The following PCDH15 variants were observed in gnomAD, a reference collection of about 807,000 sequenced individuals.
PCDH15 encodes protocadherin-15.
In PCDH15, 129 loss-of-function variants were observed where a neutral mutation model predicts 178.5. That is an observed-to-expected ratio of 0.72 (90% CI 0.63 to 0.84). PCDH15 has a LOEUF of 0.84. PCDH15 is among the 40% of genes least tolerant of loss of function. The probability of loss-of-function intolerance (pLI) is 0.00; values close to 1 mark genes in which losing one functional copy is unlikely to be tolerated. For missense variants in PCDH15, 2,230 were observed against 2,099.9 expected, an observed-to-expected ratio of 1.06 and a Z score of -1.21; for synonymous variants, 800 against 732.0, an observed-to-expected ratio of 1.09 and a Z score of -1.50.
chr10:55,575,904 T>A (rs1842489316), intron 2 of PCDH15, among the ~76,000 whole-genome samples: 1 of 152,192 alleles, frequency 6.6e-6, no homozygotes, highest in African/African-American at 2.4e-5. Context: ...GAGAGGAGGC[T>A]TGCTTTGATA....
At chr10:55,044,568 C>A (rs1026115339) in intron 2 of PCDH15, among the ~76,000 whole-genome samples, 1 of 152,098 alleles carries the variant, frequency 6.6e-6, no homozygotes, top group African/African-American at 2.4e-5. Flanking sequence ...CCTCTACATT[C>A]TCTAGACTCA....
chr10:54,625,862 G>T (rs1277065231), intron 2 of PCDH15, among the ~76,000 whole-genome samples: 2 of 152,230 alleles, frequency 1.3e-5, no homozygotes, highest in African/African-American at 2.4e-5. Flanking sequence ...GAAGAAGAGA[G>T]GAAAATGTAG....
At position 54,097,996 on chromosome 10, in the gene PCDH15, C is replaced by T. The variant is rs1169903912; in HGVS notation, c.1918-7933G>A. Among the ~76,000 whole-genome samples the T allele has an allele frequency of 3.3e-5, 5 of 152,228 alleles. No homozygotes were observed. The East Asian group carries it at 7.7e-4, about 24-fold the overall frequency. On this transcript the variant is annotated intron_variant, in intron 15 of 37. Transcript: ENST00000644397. ...CATAAAGGGCCTTCCTTTGTACTTC[C>T]TATGACTGGGAGCCTAACTTTAATA...
chr10:54,042,555 A>T (rs1478935355), intron 18 of PCDH15, among the ~76,000 whole-genome samples: 2 of 150,682 alleles, frequency 1.3e-5, no homozygotes, highest in Non-Finnish European at 2.9e-5. Flanking sequence ...CAGAGGTAAC[A>T]ACAAGTACAA....
chr10:54,265,074 C>G (rs2057582893), intron 8 of PCDH15, among the ~76,000 whole-genome samples: 1 of 152,234 alleles, frequency 6.6e-6, no homozygotes, highest in Admixed American at 6.5e-5. Context: ...TCAGAAGAAA[C>G]CTTACAATCC....
rs900197295 is a variant in PCDH15, at chr10:54,853,432, C to T, written c.-29+44018G>A. Among the ~76,000 whole-genome samples, 8 of 140,002 alleles carry T rather than the reference C, an allele frequency of 5.7e-5. No individual in the cohort carries two copies. In the East Asian group the frequency reaches 6.2e-4, roughly 11 times the overall value. 91.8% of individuals were successfully genotyped at this position (140,002 alleles called of 152,430 possible). A position where few individuals can be genotyped will look rare whatever the true frequency, so the allele number is the denominator to read the frequency against. ...ATATATACACATACATATATATATA[C>T]ACATACACATATATATATATACACA... On this transcript the variant is annotated intron_variant, in intron 3 of 5. Coordinates refer to the PCDH15 transcript ENST00000458638.
At chr10:55,127,235 C>A (rs769190454) in intron 2 of PCDH15, among the ~76,000 whole-genome samples, 1 of 152,092 alleles carries the variant, frequency 6.6e-6, no homozygotes, top group African/African-American at 2.4e-5. Context: ...AGAAGAGAAT[C>A]TCTGGCCAAT....
intron 1 of PCDH15, among the ~76,000 whole-genome samples, chr10:54,761,064 T>C (rs1171407656): frequency 6.6e-6 from 1 of 152,062 alleles, no homozygotes; most frequent in Non-Finnish European, 1.5e-5. Flanking sequence ...TCAAACAGCA[T>C]TATTAGGGAC....
intron 1 of PCDH15, among the ~76,000 whole-genome samples, chr10:55,312,639 C>T (rs1293758266): frequency 4.0e-5 from 6 of 149,362 alleles, no homozygotes; most frequent in East Asian, 2.0e-4. Flanking sequence ...TTTTTTTAGA[C>T]GTAGTTTCAC....
At chr10:54,488,492 T>C (rs1244510535) in intron 3 of PCDH15, among the ~76,000 whole-genome samples, 2 of 151,908 alleles carry the variant, frequency 1.3e-5, no homozygotes, top group South Asian at 2.1e-4. Context: ...TCATACTATA[T>C]GTATTCATTA....
chr10:55,016,758 T>C (rs964493201), intron 2 of PCDH15, among the ~76,000 whole-genome samples: 3 of 152,196 alleles, frequency 2.0e-5, no homozygotes, highest in Non-Finnish European at 4.4e-5. Flanking sequence ...TTTGGGTATA[T>C]ACCTAGCAGT....
chr10:53,962,253 A>G (rs1372758803), intron 21 of PCDH15, among the ~76,000 whole-genome samples: 1 of 152,098 alleles, frequency 6.6e-6, no homozygotes. Flanking sequence ...TTTGTTGCCC[A>G]GGCTGGAGTG....
At chr10:54,163,094 T>C (rs115357800) in intron 13 of PCDH15, among the ~76,000 whole-genome samples, 4,883 of 152,280 alleles carry the variant, frequency 0.032, 120 homozygotes, top group South Asian at 0.086. Context: ...AGGATCCTTT[T>C]GCACACTCAG....
At chr10:53,959,665 T>C in intron 23 of PCDH15, 67 bp downstream of exon 23, 1 of 1,220,826 alleles carries the variant, frequency 8.2e-7, no homozygotes, top group Non-Finnish European at 1.2e-6. Flanking sequence ...TACATCAATT[T>C]TGAGAGACTC....
At chr10:55,103,142 TA>T (rs1842610252) in intron 2 of PCDH15, among the ~76,000 whole-genome samples, 1 of 151,222 alleles carries the variant, frequency 6.6e-6, no homozygotes, top group African/African-American at 2.4e-5. Flanking sequence ...TCCATTTCTC[TA>T]AAAATGTTTC....
At chr10:53,816,445 T>C (rs2076062032) in intron 34 of PCDH15, among the ~76,000 whole-genome samples, 168 bp from the exon 35 acceptor site, 2 of 152,220 alleles carry the variant, frequency 1.3e-5, no homozygotes, top group South Asian at 4.1e-4. Flanking sequence ...TTTTAACTAA[T>C]TCTTTATATT....
intron 2 of PCDH15, among the ~76,000 whole-genome samples, chr10:54,649,515 G>A (rs1219518740): frequency 3.9e-5 from 6 of 151,962 alleles, no homozygotes; most frequent in African/African-American, 1.4e-4. Context: ...CATTATCTAT[G>A]CCTAAGCTGA....
At chr10:55,171,548 C>T (rs574090806) in intron 1 of PCDH15, among the ~76,000 whole-genome samples, 22 of 152,024 alleles carry the variant, frequency 1.4e-4, no homozygotes, top group Admixed American at 1.0e-3. Flanking sequence ...AAAAAAACAA[C>T]GACATAAAAG....
At chr10:53,914,935 T>A (rs1320013091) in intron 25 of PCDH15, among the ~76,000 whole-genome samples, 3 of 152,202 alleles carry the variant, frequency 2.0e-5, no homozygotes, top group Non-Finnish European at 4.4e-5. Context: ...CATTATTAAT[T>A]GTCTTTATGT....
Sources: gnomAD v4.1 joint callset for allele counts (sites outside exome capture counted in the v4.1 genomes callset) on GRCh38, gnomAD v4.1.1 for gene constraint, MANE v1.5 for transcripts, NCBI Gene and HGNC (gene_info 2026-07-23, HGNC 2026-07-21) for gene names.